Variants in PKNOX2 observed in about 807,000 individuals in gnomAD.
The protein encoded by PKNOX2 is PBX/knotted 1 homeobox 2, also known as homeobox protein PKNOX2.
A neutral mutation model predicts 53.1 loss-of-function variants in PKNOX2; 14 were observed. That is an observed-to-expected ratio of 0.26 (90% confidence interval 0.17 to 0.41). PKNOX2 has a LOEUF of 0.41. Ranked by LOEUF, PKNOX2 falls within the 10% of genes least tolerant of loss-of-function variation. The pLI, the probability that PKNOX2 is intolerant of heterozygous loss-of-function variation, is 1.00. For missense variants in PKNOX2, 496 were observed against 602.8 expected, an observed-to-expected ratio of 0.82 and a Z score of 1.85; for synonymous variants, 257 against 242.8, an observed-to-expected ratio of 1.06 and a Z score of -0.54.
chr11:125,322,879 C>T (rs1432052195), intron 2 of PKNOX2, among the ~76,000 whole-genome samples: 2 of 152,208 alleles, frequency 1.3e-5, no homozygotes, highest in African/African-American at 4.8e-5. Flanking sequence ...AACTACCAAC[C>T]TCACAAAGTT....
At chr11:125,236,557 C>G (rs945713199) in intron 2 of PKNOX2, among the ~76,000 whole-genome samples, 1 of 152,170 alleles carries the variant, frequency 6.6e-6, no homozygotes, top group Non-Finnish European at 1.5e-5. Context: ...CGCATCCCCC[C>G]GATCCCTGAG....
intron 6 of PKNOX2, among the ~76,000 whole-genome samples, chr11:125,393,199 C>A (rs921721640): frequency 1.9e-4 from 28 of 149,396 alleles, no homozygotes; most frequent in African/African-American, 6.9e-4. Flanking sequence ...GTTAATTGAA[C>A]AACTTGTTCA....
intron 1 of PKNOX2, among the ~76,000 whole-genome samples, chr11:125,195,402 A>G (rs1192447455): frequency 6.6e-6 from 1 of 152,150 alleles, no homozygotes; most frequent in Non-Finnish European, 1.5e-5. Flanking sequence ...TTTTAGGAAC[A>G]TGAGGATGGC....
intron 10 of PKNOX2, among the ~76,000 whole-genome samples, chr11:125,421,687 G>T: frequency 6.6e-6 from 1 of 152,376 alleles, no homozygotes; most frequent in East Asian, 1.9e-4. Flanking sequence ...TCAGAGCAAA[G>T]GGCTATGCAC....
chr11:125,396,827 C>T (rs758476293), intron 6 of PKNOX2, among the ~76,000 whole-genome samples: 12 of 152,194 alleles, frequency 7.9e-5, no homozygotes, highest in Non-Finnish European at 1.3e-4. Context: ...TAGACATCAT[C>T]CCTGCCTTCT....
At chr11:125,345,268 C>T (rs1950908930) in intron 3 of PKNOX2, among the ~76,000 whole-genome samples, 1 of 152,218 alleles carries the variant, frequency 6.6e-6, no homozygotes, top group Admixed American at 6.5e-5. Context: ...CCACTTCTCC[C>T]TCTTTTTGAA....
rs1021845145 is a variant in PKNOX2 at position 125,233,274 on chromosome 11, G to C, written c.-200-1771G>C. Among the ~76,000 whole-genome samples the C allele has an allele frequency of 2.6e-5, 4 of 152,208 alleles. 1 individual carries two copies. The highest frequency in any genetic ancestry group is 9.6e-5 in the African/African-American group (4 of 41,458). ...CCATATCTTCTTTCAAGTCACAGGT[G>C]TCTCAGACAGACAGTCCCACAGGGC... is the stretch of plus-strand genomic sequence containing the variant. On this transcript the variant is annotated intron_variant, in intron 1 of 12. Coordinates refer to ENST00000298282, the MANE Select transcript of PKNOX2 (RefSeq NM_001382323.2).
In PKNOX2 at chr11:125,411,869, AGT is replaced by A; in HGVS notation, c.936+13_936+14del. On this transcript the variant is annotated splice_donor_5th_base_variant and intron_variant, in intron 10 of 12. Transcript: ENST00000298282. ...TTGGCTCTTCCAGCATCTCATGGTG[AGT>A]GTGTGTGTCTTGGGGGTGTGGAGTC... 6.2e-7 allele frequency: 1 copy of A among 1,613,896 alleles called. No individual in the cohort carries two copies. Among genetic ancestry groups the A allele is most frequent in the Non-Finnish European group, 8.5e-7 (1 of 1,179,912 alleles).
intron 1 of PKNOX2, among the ~76,000 whole-genome samples, chr11:125,171,240 C>A (rs1955298070): frequency 6.6e-6 from 1 of 152,208 alleles, no homozygotes. Context: ...ATGGCATTCA[C>A]CCATTCCCTT....
intron 7 of PKNOX2, among the ~76,000 whole-genome samples, chr11:125,402,221 T>A (rs553244392): frequency 1.3e-5 from 2 of 152,136 alleles, no homozygotes; most frequent in Admixed American, 1.3e-4. Context: ...CACAGCTAGA[T>A]TTTCCCCCTC....
At chr11:125,283,834 G>T (rs1946730917) in intron 2 of PKNOX2, among the ~76,000 whole-genome samples, 1 of 152,118 alleles carries the variant, frequency 6.6e-6, no homozygotes, top group South Asian at 2.1e-4. Flanking sequence ...CTAATTCGAG[G>T]CATTTCTGAA....
intron 1 of PKNOX2, among the ~76,000 whole-genome samples, chr11:125,231,390 T>C (rs1487926951): frequency 1.3e-5 from 2 of 152,250 alleles, no homozygotes; most frequent in Non-Finnish European, 2.9e-5. Context: ...TCATTTACCA[T>C]TTCATAAATT....
At chr11:125,172,818 TAG>T (rs1195630571) in intron 1 of PKNOX2, among the ~76,000 whole-genome samples, 1 of 152,172 alleles carries the variant, frequency 6.6e-6, no homozygotes, top group African/African-American at 2.4e-5. Context: ...CCCTGTGGTA[TAG>T]AGTCTTAAGG....
chr11:125,189,058 A>G (rs1461681034), intron 1 of PKNOX2, among the ~76,000 whole-genome samples: 1 of 152,006 alleles, frequency 6.6e-6, no homozygotes, highest in Non-Finnish European at 1.5e-5. Flanking sequence ...ACTTAGGGCA[A>G]GAGAAGGCTG....
chr11:125,366,688 A>G (rs1952207666), intron 4 of PKNOX2, among the ~76,000 whole-genome samples: 1 of 152,236 alleles, frequency 6.6e-6, no homozygotes, highest in African/African-American at 2.4e-5. Context: ...AGACATGCAA[A>G]TGTCTTGGGG....
At chr11:125,424,356 T>A (rs1445619638) in intron 10 of PKNOX2, among the ~76,000 whole-genome samples, 1 of 152,176 alleles carries the variant, frequency 6.6e-6, no homozygotes, top group Non-Finnish European at 1.5e-5. Context: ...AAGACTTTTT[T>A]TTTCTTCCAT....
chr11:125,390,861 T>A (rs1007126429), intron 6 of PKNOX2, among the ~76,000 whole-genome samples: 1 of 152,224 alleles, frequency 6.6e-6, no homozygotes, highest in African/African-American at 2.4e-5. Flanking sequence ...CACAAAATAT[T>A]TGTTTTGTCC....
chr11:125,328,475 A>G (rs1028051213), intron 2 of PKNOX2, among the ~76,000 whole-genome samples: 1 of 152,016 alleles, frequency 6.6e-6, no homozygotes, highest in African/African-American at 2.4e-5. Context: ...TTCTTAATAT[A>G]TGGGGACTAA....
intron 1 of PKNOX2, among the ~76,000 whole-genome samples, chr11:125,196,679 C>T (rs563837751): frequency 6.6e-6 from 1 of 152,226 alleles, no homozygotes; most frequent in African/African-American, 2.4e-5. Flanking sequence ...TGCCTCACCT[C>T]TCTGGCCCTG....
Sources: gnomAD v4.1 joint callset for allele counts (sites outside exome capture counted in the v4.1 genomes callset) on GRCh38, gnomAD v4.1.1 for gene constraint, MANE v1.5 for transcripts, NCBI Gene and HGNC (gene_info 2026-07-23, HGNC 2026-07-21) for gene names.